Variants in DNM3 observed in about 807,000 individuals in gnomAD.
The protein encoded by DNM3 is dynamin-3.
In DNM3, 47 loss-of-function variants were observed where a neutral mutation model predicts 101.6. The observed-to-expected ratio is 0.46, with a 90% CI of 0.37 to 0.59. The LOEUF is 0.59. Ranked by LOEUF, DNM3 falls within the 20% of genes least tolerant of loss-of-function variation. The probability of loss-of-function intolerance (pLI) is 0.00; values close to 1 mark genes in which losing one functional copy is unlikely to be tolerated. For missense variants in DNM3, 849 were observed against 1,085.7 expected (o/e 0.78, Z 3.06); for synonymous variants, 385 against 387.9 (o/e 0.99, Z 0.09).
At chr1:172,117,207 A>G (rs1236709582) in intron 13 of DNM3, among the ~76,000 whole-genome samples, 1 of 144,150 alleles carries the variant, frequency 6.9e-6, no homozygotes, top group Admixed American at 6.9e-5. Flanking sequence ...CTCCATCTCA[A>G]AAAAAAAAAA....
chr1:172,388,411 T>C (rs918948301), intron 19 of DNM3, among the ~76,000 whole-genome samples, 162 bp from the exon 20 acceptor site: 2 of 152,200 alleles, frequency 1.3e-5, no homozygotes, highest in Admixed American at 6.5e-5. Flanking sequence ...GAAAACTTAC[T>C]TTTCTCCATT....
chr1:172,075,548 A>C (rs1363080135), intron 11 of DNM3, among the ~76,000 whole-genome samples: 1 of 152,178 alleles, frequency 6.6e-6, no homozygotes, highest in Non-Finnish European at 1.5e-5. Context: ...CAGTTTTCCC[A>C]ACACCATTTA....
At chr1:171,899,506 C>A (rs950713732) in intron 1 of DNM3, among the ~76,000 whole-genome samples, 88 of 152,226 alleles carry the variant, frequency 5.8e-4, no homozygotes, top group Non-Finnish European at 8.8e-5. Context: ...TAGTTAATCA[C>A]CACGGGAGAG....
chr1:172,037,243 G>T (rs2125820680), intron 6 of DNM3, among the ~76,000 whole-genome samples: 1 of 152,160 alleles, frequency 6.6e-6, no homozygotes, highest in South Asian at 2.1e-4. Flanking sequence ...GATTCCTCAG[G>T]GATCTAGAAC....
At chr1:172,115,146 A>G (rs556563604) in intron 13 of DNM3, among the ~76,000 whole-genome samples, 20 of 152,328 alleles carry the variant, frequency 1.3e-4, no homozygotes, top group African/African-American at 4.8e-4. Flanking sequence ...AAAAAAGTGC[A>G]GGTTGTATAT....
intron 4 of DNM3, among the ~76,000 whole-genome samples, chr1:171,996,252 C>T (rs2045988212): frequency 6.6e-6 from 1 of 152,028 alleles, no homozygotes; most frequent in Admixed American, 6.6e-5. Context: ...AGGGGAATGG[C>T]TATATAATTT....
chr1:172,190,438 G>T (rs924802154), intron 14 of DNM3, among the ~76,000 whole-genome samples: 1 of 152,136 alleles, frequency 6.6e-6, no homozygotes, highest in African/African-American at 2.4e-5. Flanking sequence ...TTGGTTCCAA[G>T]TCTTTGCTAT....
chr1:172,128,317 C>G (rs2056752868), intron 13 of DNM3, among the ~76,000 whole-genome samples: 1 of 152,142 alleles, frequency 6.6e-6, no homozygotes, highest in Non-Finnish European at 1.5e-5. Context: ...GTCAGCATAG[C>G]CTTTGCTGAA....
At chr1:172,156,775 G>A (rs1178522449) in intron 14 of DNM3, among the ~76,000 whole-genome samples, 1 of 152,014 alleles carries the variant, frequency 6.6e-6, no homozygotes, top group African/African-American at 2.4e-5. Context: ...ATGTATGTAA[G>A]AGCATTTAGG....
chr1:171,969,692 G>A (rs2043848060), intron 2 of DNM3, among the ~76,000 whole-genome samples: 2 of 152,158 alleles, frequency 1.3e-5, no homozygotes, highest in South Asian at 2.1e-4. Context: ...GAAACAGATA[G>A]GCAAGTGAAG....
intron 17 of DNM3, among the ~76,000 whole-genome samples, chr1:172,365,930 T>C (rs1315713813): frequency 2.0e-5 from 3 of 151,956 alleles, no homozygotes; most frequent in East Asian, 3.9e-4. Flanking sequence ...TCAATAGATA[T>C]ACATTCAGAC....
intron 12 of DNM3, among the ~76,000 whole-genome samples, chr1:172,090,495 C>T (rs1414636016): frequency 6.6e-6 from 1 of 151,736 alleles, no homozygotes; most frequent in African/African-American, 2.4e-5. Context: ...TTAGATTGTT[C>T]AGAGAAATGG....
intron 17 of DNM3, among the ~76,000 whole-genome samples, chr1:172,333,302 A>G (rs896695506): frequency 2.0e-5 from 3 of 152,206 alleles, no homozygotes; most frequent in East Asian, 1.9e-4. Context: ...GGGAGCAGTA[A>G]CATTTAAGTA....
chr1:171,841,631 A>G lies in DNM3; in HGVS notation c.-26A>G. Reference sequence around the variant, plus strand: ...CAGGTCGTAGAGGCGAGCAGGGACCAGCTGGTCGCCGGCCCCTCGGGCAAG... The same window carrying G: ...CAGGTCGTAGAGGCGAGCAGGGACCGGCTGGTCGCCGGCCCCTCGGGCAAG... On this transcript the variant is annotated 5_prime_UTR_variant, in exon 1 of 21. Transcript: ENST00000627582. 6.3e-7 allele frequency: 1 copy of G among 1,599,132 alleles called. No individual in the cohort carries two copies. Among genetic ancestry groups the G allele is most frequent in the Non-Finnish European group, 8.5e-7 (1 of 1,174,068 alleles).
At chr1:172,169,852 C>G (rs919335133) in intron 14 of DNM3, among the ~76,000 whole-genome samples, 12 of 151,810 alleles carry the variant, frequency 7.9e-5, no homozygotes, top group African/African-American at 2.9e-4. Context: ...TTTAAATGAA[C>G]TATCCATAAT....
At chr1:172,242,741 C>T (rs1399935257) in intron 14 of DNM3, among the ~76,000 whole-genome samples, 1 of 152,176 alleles carries the variant, frequency 6.6e-6, no homozygotes, top group Non-Finnish European at 1.5e-5. Flanking sequence ...CTGTACCTGG[C>T]CTGTTTTGTA....
At chr1:172,297,762 T>G (rs2148835528) in intron 15 of DNM3, among the ~76,000 whole-genome samples, 1 of 152,300 alleles carries the variant, frequency 6.6e-6, no homozygotes. Context: ...CTTTTATACT[T>G]TTTTATTAGA....
At chr1:172,203,059 C>T (rs191118241) in intron 14 of DNM3, among the ~76,000 whole-genome samples, 61 of 152,196 alleles carry the variant, frequency 4.0e-4, no homozygotes, top group African/African-American at 1.3e-3. Flanking sequence ...CTGGGGCTAA[C>T]GGATCATTAA....
chr1:171,889,816 C>G (rs940260422), intron 1 of DNM3, among the ~76,000 whole-genome samples: 1 of 152,026 alleles, frequency 6.6e-6, no homozygotes, highest in Admixed American at 6.5e-5. Context: ...TAGCAGAGAC[C>G]GACTGAACAG....
Sources: gnomAD v4.1 joint callset for allele counts (sites outside exome capture counted in the v4.1 genomes callset) on GRCh38, gnomAD v4.1.1 for gene constraint, MANE v1.5 for transcripts, NCBI Gene and HGNC (gene_info 2026-07-23, HGNC 2026-07-21) for gene names.